ATG7: variants seen among roughly 807,000 people sequenced by gnomAD.
The protein encoded by ATG7 is ubiquitin-like modifier-activating enzyme ATG7.
In ATG7, 70 loss-of-function variants were observed where a neutral mutation model predicts 82.4. That is an observed-to-expected ratio of 0.85 (90% CI 0.70 to 1.04). The LOEUF is 1.04. ATG7 is among the 50% of genes least tolerant of loss of function. The pLI, the probability that ATG7 is intolerant of heterozygous loss-of-function variation, is 0.00. For synonymous variants in ATG7, 287 were observed against 313.0 expected, an observed-to-expected ratio of 0.92 and a Z score of 0.88; for missense variants, 792 against 864.3, an observed-to-expected ratio of 0.92 and a Z score of 1.05.
At chr3:11,512,787 A>G (rs1575139846) in intron 20 of ATG7, among the ~76,000 whole-genome samples, 1 of 152,328 alleles carries the variant, frequency 6.6e-6, no homozygotes, top group East Asian at 1.9e-4. Context: ...GCGGGTTGCC[A>G]TTGCTGGCTC....
intron 19 of ATG7, among the ~76,000 whole-genome samples, chr3:11,385,368 A>G (rs895026854): frequency 6.6e-6 from 1 of 152,236 alleles, no homozygotes; most frequent in Non-Finnish European, 1.5e-5. Context: ...TCCCAAAGCA[A>G]CTTGTCACCT....
At chr3:11,450,637 A>C (rs1375809404) in intron 20 of ATG7, among the ~76,000 whole-genome samples, 1 of 152,228 alleles carries the variant, frequency 6.6e-6, no homozygotes, top group East Asian at 1.9e-4. Flanking sequence ...CTCACCACAC[A>C]GATCTGCTCT....
intron 3 of ATG7, among the ~76,000 whole-genome samples, chr3:11,294,793 G>A (rs1186172896): frequency 2.6e-5 from 4 of 152,126 alleles, no homozygotes; most frequent in Non-Finnish European, 5.9e-5. Flanking sequence ...GGAAGTGGGA[G>A]TGAGACCCAG....
chr3:11,273,101 G>C (rs527973813), intron 1 of ATG7, among the ~76,000 whole-genome samples: 2 of 152,338 alleles, frequency 1.3e-5, no homozygotes, highest in East Asian at 3.9e-4. Flanking sequence ...GCAGTTTCCT[G>C]ATTTTTAAAC....
chr3:11,488,719 A>G (rs1345434489), intron 20 of ATG7, among the ~76,000 whole-genome samples: 2 of 152,194 alleles, frequency 1.3e-5, no homozygotes, highest in African/African-American at 2.4e-5. Flanking sequence ...TGATTTGCAT[A>G]TATTGAACCA....
intron 9 of ATG7, among the ~76,000 whole-genome samples, chr3:11,323,997 C>A (rs1225393769): frequency 2.0e-5 from 3 of 152,212 alleles, no homozygotes; most frequent in Non-Finnish European, 4.4e-5. Flanking sequence ...TCTTTTCTTT[C>A]TCACAGTGTA....
intron 19 of ATG7, among the ~76,000 whole-genome samples, chr3:11,419,931 A>G (rs951115183): frequency 1.3e-5 from 2 of 152,210 alleles, no homozygotes; most frequent in Non-Finnish European, 2.9e-5. Context: ...CTATTTTGCA[A>G]ACTCTCTCAG....
intron 20 of ATG7, among the ~76,000 whole-genome samples, chr3:11,438,991 C>T (rs1031158993): frequency 3.3e-5 from 5 of 151,980 alleles, no homozygotes; most frequent in African/African-American, 1.2e-4. Context: ...GGGGAGTTTC[C>T]ATATTTTGAG....
intron 19 of ATG7, among the ~76,000 whole-genome samples, chr3:11,395,053 G>A (rs55868129): frequency 5.3e-5 from 8 of 152,224 alleles, no homozygotes; most frequent in African/African-American, 1.9e-4. Context: ...TAGTTGTATT[G>A]GGGACTGGAA....
chr3:11,519,797 G>A (rs1311789011), intron 20 of ATG7, among the ~76,000 whole-genome samples: 3 of 151,948 alleles, frequency 2.0e-5, no homozygotes, highest in Admixed American at 6.6e-5. Context: ...TCCTGACCTT[G>A]TGATCCGCCC....
intron 19 of ATG7, among the ~76,000 whole-genome samples, chr3:11,420,436 C>G (rs2081833361): frequency 6.6e-6 from 1 of 152,112 alleles, no homozygotes; most frequent in Non-Finnish European, 1.5e-5. Flanking sequence ...AACATACAAT[C>G]TGAATGTTTA....
chr3:11,378,646 C>G (rs566794590), intron 18 of ATG7, among the ~76,000 whole-genome samples: 15 of 140,726 alleles, frequency 1.1e-4, no homozygotes, highest in African/African-American at 4.2e-4. Flanking sequence ...GATCACACCA[C>G]TGTACTCCAG....
chr3:11,509,394 GTTT>G (rs76027522), intron 20 of ATG7, among the ~76,000 whole-genome samples: 1 of 143,504 alleles, frequency 7.0e-6, no homozygotes, highest in Non-Finnish European at 1.5e-5. Flanking sequence ...TTTCAGTGTG[GTTT>G]TTTTTTTTTT....
chr3:11,397,055 A>C (rs2079359814), intron 19 of ATG7, among the ~76,000 whole-genome samples: 1 of 152,200 alleles, frequency 6.6e-6, no homozygotes, highest in Non-Finnish European at 1.5e-5. Flanking sequence ...AAAGCACAAG[A>C]AGTCATGGTA....
chr3:11,417,838 G>T (rs1349468512), intron 19 of ATG7, among the ~76,000 whole-genome samples: 1 of 130,546 alleles, frequency 7.7e-6, no homozygotes, highest in Non-Finnish European at 1.6e-5. Context: ...TTGAGACAGA[G>T]TCTTGCTCTA....
chr3:11,301,821 C>T (rs1455580093), intron 5 of ATG7, among the ~76,000 whole-genome samples: 34 of 152,168 alleles, frequency 2.2e-4, no homozygotes, highest in Non-Finnish European at 1.5e-5. Flanking sequence ...AGACTAACCT[C>T]ACTCCTATCC....
intron 13 of ATG7, among the ~76,000 whole-genome samples, chr3:11,347,283 A>G (rs1286467994): frequency 1.3e-5 from 2 of 152,258 alleles, no homozygotes; most frequent in African/African-American, 2.4e-5. Flanking sequence ...TAAAACTGTT[A>G]TAGGAGACAT....
At chr3:11,283,292 A>G (rs1049702621) in intron 3 of ATG7, among the ~76,000 whole-genome samples, 6 of 152,182 alleles carry the variant, frequency 3.9e-5, no homozygotes, top group Non-Finnish European at 8.8e-5. Context: ...AGCATGGGGA[A>G]GGGGAACCAC....
intron 20 of ATG7, among the ~76,000 whole-genome samples, chr3:11,483,729 C>T (rs769578932): frequency 1.4e-4 from 21 of 152,132 alleles, no homozygotes; most frequent in Non-Finnish European, 2.1e-4. Context: ...AATAGGAAAT[C>T]GGAGGACTCA....
Sources: allele counts gnomAD v4.1 joint callset (sites outside exome capture counted in the v4.1 genomes callset), GRCh38; gene constraint gnomAD v4.1.1; transcripts MANE v1.5; gene names NCBI Gene and HGNC (gene_info 2026-07-23, HGNC 2026-07-21).